Variants in DDX3X observed in about 807,000 individuals in gnomAD.
DDX3X encodes the protein ATP-dependent RNA helicase DDX3X.
Under a neutral mutation model 52.7 loss-of-function variants are expected in DDX3X, and 4 were observed. That is an observed-to-expected ratio of 0.08 (90% CI 0.04 to 0.17). The LOEUF is 0.17. DDX3X is among the 10% of genes least tolerant of loss of function. DDX3X has a pLI of 1.00. For synonymous variants in DDX3X, 192 were observed against 178.1 expected (o/e 1.08, Z -0.62); for missense variants, 222 against 548.6 (o/e 0.40, Z 5.95).
chrX:41,336,463 T>C (rs1320031745), intron 1 of DDX3X: 2 of 112,051 alleles, frequency 1.8e-5, no homozygotes, highest in Admixed American at 9.5e-5. Context: ...TTTGAACTTA[T>C]GTTAAAATGG....
chrX:41,337,526 G>C, intron 2 of DDX3X, 61 bp downstream of exon 2: 1 of 993,750 alleles, frequency 1.0e-6, no homozygotes, highest in Non-Finnish European at 1.4e-6. Flanking sequence ...AGATTTCATT[G>C]GGCTTATGTA....
At chrX:41,336,372 A>T (rs2063770043) in intron 1 of DDX3X, 1 of 112,331 alleles carries the variant, frequency 8.9e-6, no homozygotes, top group African/African-American at 3.2e-5. Context: ...GGGGATAGGT[A>T]GAAATAGAGA....
chrX:41,349,316 T>C lies in DDX3X; in HGVS notation c.*1597T>C, dbSNP rs1464635469. On this transcript the variant is annotated 3_prime_UTR_variant, in exon 17 of 17. Transcript: ENST00000644876. ...TTTATTGCACATTCAGAGAATTTTA[T>C]ATATATGTCTTGTGTGCGTGTCCTT... is the stretch of plus-strand genomic sequence containing the variant. 1.8e-5 allele frequency: 2 copies of C among 111,993 alleles called. No individual in the cohort carries two copies. The highest frequency in any genetic ancestry group is 3.3e-5 in the African/African-American group (1 of 30,677). 9.2% of individuals were successfully genotyped at this position (111,993 alleles called of 1,213,427 possible).
intron 2 of DDX3X, 177 bp downstream of exon 2, chrX:41,337,642 C>CTT (rs5902274): frequency 1.0e-3 from 301 of 288,179 alleles, no homozygotes; most frequent in Middle Eastern, 3.8e-3. Context: ...GCATCGTTGC[C>CTT]TTTTTTTTTT....
At chrX:41,341,740 G>A in intron 4 of DDX3X, 124 bp downstream of exon 4, 1 of 665,328 alleles carries the variant, frequency 1.5e-6, no homozygotes, top group South Asian at 3.4e-5. Context: ...TTAGCCGTAA[G>A]AGGCTTTTAC....
chrX:41,360,926 T>C (rs2064027276), intron 5 of DDX3X, among the ~76,000 whole-genome samples: 1 of 109,720 alleles, frequency 9.1e-6, no homozygotes, highest in Non-Finnish European at 1.9e-5. Flanking sequence ...TCACCCAGGC[T>C]GGAGTGCAGT....
intron 15 of DDX3X, 119 bp from the exon 16 acceptor site, chrX:41,347,193 A>T: frequency 1.0e-6 from 1 of 968,669 alleles, no homozygotes; most frequent in Non-Finnish European, 1.4e-6. Context: ...GTTGGGGAAA[A>T]TATGGCTGGA....
chrX:41,353,732 CTG>C (rs1473707177), downstream of DDX3X, among the ~76,000 whole-genome samples: 1 of 107,550 alleles, frequency 9.3e-6, no homozygotes, highest in East Asian at 2.9e-4. Flanking sequence ...GTTTGTGCCA[CTG>C]TACTCCACTG....
chrX:41,360,207 G>C (rs772158930), intron 5 of DDX3X, among the ~76,000 whole-genome samples: 1 of 103,772 alleles, frequency 9.6e-6, no homozygotes, highest in South Asian at 4.6e-4. Flanking sequence ...GTGAAACCCC[G>C]TCTCTACTGA....
At chrX:41,351,084 T>C (rs539195471), downstream of DDX3X, 2 of 111,578 alleles carry the variant, frequency 1.8e-5, no homozygotes, top group South Asian at 7.4e-4. Flanking sequence ...TGAGTCTCGA[T>C]TTAGTCAAAA....
chrX:41,337,767 C>T (rs1453170999), intron 2 of DDX3X: 1 of 181,830 alleles, frequency 5.5e-6, no homozygotes, highest in Non-Finnish European at 9.9e-6. Flanking sequence ...GCCTCAGCCT[C>T]CCGAATAGCT....
chrX:41,342,192 T>C (rs1157687787), intron 4 of DDX3X: 1 of 226,278 alleles, frequency 4.4e-6, no homozygotes, highest in East Asian at 9.0e-5. Flanking sequence ...GGATGAGCAC[T>C]TTAAATGAAG....
chrX:41,359,679 T>G (rs967479455), intron 5 of DDX3X, among the ~76,000 whole-genome samples: 1 of 105,370 alleles, frequency 9.5e-6, no homozygotes, highest in African/African-American at 3.5e-5. Context: ...TAAAGCTATT[T>G]TTAAAAAAGT....
rs1211095849 is a variant in DDX3X at position 41,344,071 on chromosome X, C to T, written c.807C>T (p.Ser269=). ...GGCGCCGCAAACAATACCCAATCTC[C>T]TTGGTATTAGCACCAACGAGAGAGT... ...RYGRRKQYPI[S]LVLAPTRELA... is the part of the protein sequence containing the mutation. Residue 269 remains serine (S), a synonymous_variant, in exon 9 of 17, where the codon TCC becomes TCT. Transcript: ENST00000644876. 2 of 1,208,002 alleles carry T rather than the reference C, an allele frequency of 1.7e-6. No individual in the cohort carries two copies. The highest frequency in any genetic ancestry group is 2.2e-6 in the Non-Finnish European group (2 of 894,052).
intron 1 of DDX3X, chrX:41,334,868 C>G (rs1159016450): frequency 1.7e-6 from 1 of 589,578 alleles, no homozygotes; most frequent in Non-Finnish European, 2.2e-6. Flanking sequence ...TGGCTCACCT[C>G]CGGGAGACGG....
chrX:41,334,975 T>G (rs2063741304), intron 1 of DDX3X: 1 of 153,556 alleles, frequency 6.5e-6, no homozygotes, highest in Non-Finnish European at 1.2e-5. Context: ...TCAGCCCAGG[T>G]TCCGCAGGGT....
Position 41,348,047 on chromosome X carries a change from A to G in DDX3X, c.*328A>G, listed in dbSNP as rs905828369. 7.3e-5 allele frequency: 22 copies of G among 301,616 alleles called. No individual in the cohort carries two copies. Among genetic ancestry groups the G allele is most frequent in the African/African-American group, 2.8e-4 (10 of 36,355 alleles). The allele number at this position is 301,616 out of a possible 1,213,427, so 24.9% of individuals were successfully genotyped here. On this transcript the variant is annotated 3_prime_UTR_variant, in exon 17 of 17. Transcript: ENST00000644876. ...TGTACTGTGCCTTTAACTTTAGACA[A>G]CTTTTTATTTTGATGTCCTGTTGGC...
intron 5 of DDX3X, among the ~76,000 whole-genome samples, chrX:41,363,912 A>T (rs758336247): frequency 1.3e-4 from 15 of 111,917 alleles, no homozygotes; most frequent in African/African-American, 4.2e-4. Context: ...TTTGTCAGTG[A>T]CCTGAGGCTG....
chrX:41,349,051 G>C lies in DDX3X; in HGVS notation c.*1332G>C, dbSNP rs2063960051. ...AAATGCCTCTGCCACTTTGAATTCTGTGCTAATTTTGTGGCCAGAATGCGG... is the reference window on the plus strand; with the variant it reads ...AAATGCCTCTGCCACTTTGAATTCTCTGCTAATTTTGTGGCCAGAATGCGG... On this transcript the variant is annotated 3_prime_UTR_variant, in exon 17 of 17. Transcript: ENST00000644876. The C allele has an allele frequency of 8.9e-6, 1 of 112,249 alleles. No homozygotes were observed. The highest frequency in any genetic ancestry group is 1.9e-5 in the Non-Finnish European group (1 of 53,253). The allele number at this position is 112,249 out of a possible 1,213,427, so 9.3% of individuals were successfully genotyped here. A position where few individuals can be genotyped will look rare whatever the true frequency, so the allele number is the denominator to read the frequency against.
Sources: gnomAD v4.1 joint callset for allele counts (sites outside exome capture counted in the v4.1 genomes callset) on GRCh38, gnomAD v4.1.1 for gene constraint, MANE v1.5 for transcripts, NCBI Gene and HGNC (gene_info 2026-07-23, HGNC 2026-07-21) for gene names.